The following PTGES3 variants were observed in gnomAD, a reference collection of about 807,000 sequenced individuals.
The protein encoded by PTGES3 is prostaglandin E synthase 3.
Under a neutral mutation model 29.9 loss-of-function variants are expected in PTGES3, and 5 were observed. That is an observed-to-expected ratio of 0.17 (90% CI 0.09 to 0.35). PTGES3 has a LOEUF of 0.35. Ranked by LOEUF, PTGES3 falls within the 10% of genes least tolerant of loss-of-function variation. The probability of loss-of-function intolerance (pLI) is 1.00; values close to 1 mark genes in which losing one functional copy is unlikely to be tolerated. For synonymous variants in PTGES3, 49 were observed against 57.8 expected, an observed-to-expected ratio of 0.85 and a Z score of 0.69; for missense variants, 128 against 190.0, an observed-to-expected ratio of 0.67 and a Z score of 1.92.
chr12:56,685,359 G>A (rs146190084), intron 1 of PTGES3, among the ~76,000 whole-genome samples: 2 of 150,774 alleles, frequency 1.3e-5, no homozygotes, highest in East Asian at 3.9e-4. Context: ...TCTTCAAGTG[G>A]CATTGAATCA....
intron 1 of PTGES3, among the ~76,000 whole-genome samples, chr12:56,685,521 C>A (rs894691471): frequency 6.6e-6 from 1 of 151,374 alleles, no homozygotes; most frequent in African/African-American, 2.4e-5. Flanking sequence ...TTGCCTTAGC[C>A]TCCCAAGTAG....
intron 1 of PTGES3, among the ~76,000 whole-genome samples, chr12:56,680,989 C>G (rs1952509241): frequency 6.6e-6 from 1 of 151,944 alleles, no homozygotes; most frequent in Non-Finnish European, 1.5e-5. Context: ...CCAGGCTGGT[C>G]TCAAACTTCT....
At chr12:56,686,848 A>T in intron 1 of PTGES3, 1 of 396,260 alleles carries the variant, frequency 2.5e-6, no homozygotes, top group Non-Finnish European at 4.4e-6. Flanking sequence ...TCATGACTTG[A>T]ATCAAGCAAA....
At chr12:56,681,409 G>GAGCCTGT (rs1428456743) in intron 1 of PTGES3, among the ~76,000 whole-genome samples, 1 of 151,728 alleles carries the variant, frequency 6.6e-6, no homozygotes, top group African/African-American at 2.4e-5. Flanking sequence ...GAGGTGGCGG[G>GAGCCTGT]AGCCTGTAGT....
rs1253438929 is a variant in PTGES3 at position 56,665,174 on chromosome 12, T to TA, written c.439-375dup. 55 of 985,288 alleles carry TA rather than the reference T, an allele frequency of 5.6e-5. 1 individual carries two copies. Among genetic ancestry groups the TA allele is most frequent in the Non-Finnish European group, 6.5e-5 (54 of 829,842 alleles). The allele number at this position is 985,288 out of a possible 1,614,324, so 61.0% of individuals were successfully genotyped here. ...GTTGAGTGAATATTAAGTGTTTTTC[T>TA]AAATAGCATTAAATAACTTTCTGGG... On this transcript the variant is annotated intron_variant, in intron 6 of 7. Coordinates refer to ENST00000262033, the MANE Select transcript of PTGES3 (RefSeq NM_006601.7).
chr12:56,680,447 G>A (rs1298445214), intron 1 of PTGES3, among the ~76,000 whole-genome samples: 4 of 151,496 alleles, frequency 2.6e-5, no homozygotes, highest in African/African-American at 7.3e-5. Flanking sequence ...CTGCAACGGC[G>A]TCATCTTGCC....
chr12:56,679,558 AC>A (rs1952431254), intron 1 of PTGES3, among the ~76,000 whole-genome samples: 3 of 152,162 alleles, frequency 2.0e-5, no homozygotes, highest in Non-Finnish European at 4.4e-5. Flanking sequence ...TAACAGTCTT[AC>A]ACAATGGTTA....
At chr12:56,676,978 G>T (rs11829496) in intron 1 of PTGES3, among the ~76,000 whole-genome samples, 10,284 of 147,300 alleles carry the variant, frequency 0.07, 919 homozygotes, top group African/African-American at 0.21. Context: ...GCTTATGGCA[G>T]TAATCTCAGC....
rs1035244509 is a variant in PTGES3, at chr12:56,687,426, G to C, written c.2+572C>G. 96 of 987,620 alleles carry C rather than the reference G, an allele frequency of 9.7e-5. No homozygotes were observed. The Admixed American group carries it at 1.1e-3, about 11-fold the overall frequency. 61.2% of individuals were successfully genotyped at this position (987,620 alleles called of 1,614,324 possible). ...GCGGACTGGAAGTACCCACACTCAA[G>C]AAACCCAGACACTGGAGAGGGAAGT... is the stretch of plus-strand genomic sequence containing the variant. On this transcript the variant is annotated intron_variant, in intron 1 of 7. Transcript: ENST00000262033.
chr12:56,677,834 A>G (rs138073271), intron 1 of PTGES3, among the ~76,000 whole-genome samples: 1 of 152,296 alleles, frequency 6.6e-6, no homozygotes, highest in African/African-American at 2.4e-5. Context: ...TATGTTGAGT[A>G]TCACTGAATT....
intron 1 of PTGES3, among the ~76,000 whole-genome samples, chr12:56,681,050 G>T (rs1952511830): frequency 6.6e-6 from 1 of 152,074 alleles, no homozygotes; most frequent in Non-Finnish European, 1.5e-5. Context: ...GGGATTACAG[G>T]TGTGAGTCAC....
Position 56,688,106 on chromosome 12 carries a change from G to A in PTGES3, c.-107C>T. ...GGTGGCGACTCCGCTTTTTCTCTCCGGTCGCGGCCTCTTCTCGCTTCCCTC... is the reference window on the plus strand; with the variant it reads ...GGTGGCGACTCCGCTTTTTCTCTCCAGTCGCGGCCTCTTCTCGCTTCCCTC... On this transcript the variant is annotated 5_prime_UTR_variant, in exon 1 of 8. Transcript: ENST00000262033. 3 of 1,429,412 alleles carry A rather than the reference G, an allele frequency of 2.1e-6. No homozygotes were observed. The highest frequency in any genetic ancestry group is 2.8e-5 in the East Asian group (1 of 35,928). 88.5% of individuals were successfully genotyped at this position (1,429,412 alleles called of 1,614,324 possible).
chr12:56,685,952 T>A (rs1020848796), intron 1 of PTGES3, among the ~76,000 whole-genome samples: 1 of 151,592 alleles, frequency 6.6e-6, no homozygotes, highest in Non-Finnish European at 1.5e-5. Flanking sequence ...AGTTTTTGTA[T>A]TTTTAGTAGA....
chr12:56,666,029 TAATA>T (rs1187013670), intron 6 of PTGES3, 171 bp downstream of exon 6: 4 of 1,380,948 alleles, frequency 2.9e-6, no homozygotes, highest in African/African-American at 3.0e-5. Flanking sequence ...ACCAGTTCCC[TAATA>T]GATACCCCCA....
chr12:56,670,428 A>G, intron 4 of PTGES3, 64 bp from the exon 5 acceptor site: 1 of 1,218,210 alleles, frequency 8.2e-7, no homozygotes, highest in Non-Finnish European at 1.2e-6. Flanking sequence ...GAACCTTAAG[A>G]CTACGTTTTC....
chr12:56,670,243 G>C (rs189729881), intron 5 of PTGES3, 32 bp downstream of exon 5: 3 of 1,451,834 alleles, frequency 2.1e-6, no homozygotes, highest in Non-Finnish European at 2.9e-6. Context: ...CGTGTGCTTC[G>C]AATGGGGAGA....
At chr12:56,678,142 T>G (rs1368940927) in intron 1 of PTGES3, among the ~76,000 whole-genome samples, 1 of 152,172 alleles carries the variant, frequency 6.6e-6, no homozygotes, top group African/African-American at 2.4e-5. Context: ...AGAACTTTGA[T>G]GTCTCATTCC....
Position 56,672,825 on chromosome 12 carries a change from A to T in PTGES3, c.117-16T>A. On this transcript the variant is annotated splice_polypyrimidine_tract_variant and intron_variant, in intron 2 of 7. Transcript: ENST00000262033. Reference sequence around the variant, plus strand: ...TCCGAGACAACTGTATAAAATAATAAAGAAAGAATTAAGCCTCTTCAAAGA... The same window carrying T: ...TCCGAGACAACTGTATAAAATAATATAGAAAGAATTAAGCCTCTTCAAAGA... 6.4e-7 allele frequency: 1 copy of T among 1,570,212 alleles called. No homozygotes were observed. The highest frequency in any genetic ancestry group is 8.6e-7 in the Non-Finnish European group (1 of 1,161,778).
chr12:56,680,488 C>T (rs1313129451), intron 1 of PTGES3, among the ~76,000 whole-genome samples: 2 of 151,818 alleles, frequency 1.3e-5, no homozygotes, highest in African/African-American at 4.8e-5. Flanking sequence ...CAGGTTCAAG[C>T]GACTATCCTG....
Sources: gnomAD v4.1 joint callset for allele counts (sites outside exome capture counted in the v4.1 genomes callset) on GRCh38, gnomAD v4.1.1 for gene constraint, MANE v1.5 for transcripts, NCBI Gene and HGNC (gene_info 2026-07-23, HGNC 2026-07-21) for gene names.